The following MAOB variants were observed in gnomAD, a reference collection of about 807,000 sequenced individuals.
MAOB encodes the protein monoamine oxidase B, also known as amine oxidase [flavin-containing] B.
A neutral mutation model predicts 41.9 loss-of-function variants in MAOB; 15 were observed. That is an observed-to-expected ratio of 0.36 (90% CI 0.24 to 0.55). The LOEUF is 0.55. Ranked by LOEUF, MAOB falls within the 20% of genes least tolerant of loss-of-function variation. MAOB has a pLI of 0.86. For synonymous variants in MAOB, 167 were observed against 144.2 expected, an observed-to-expected ratio of 1.16 and a Z score of -1.13; for missense variants, 345 against 398.7, an observed-to-expected ratio of 0.87 and a Z score of 1.15.
At chrX:43,782,244 C>T (rs2034343139) in intron 8 of MAOB, among the ~76,000 whole-genome samples, 1 of 110,095 alleles carries the variant, frequency 9.1e-6, no homozygotes, top group Non-Finnish European at 1.9e-5. Context: ...GCTAGCCAGA[C>T]TAATAAAGAA....
chrX:43,858,407 T>C (rs1196094225), intron 1 of MAOB, among the ~76,000 whole-genome samples: 2 of 110,948 alleles, frequency 1.8e-5, no homozygotes, highest in Admixed American at 9.6e-5. Flanking sequence ...CTAGCCTTCT[T>C]TCCTTCTGCT....
intron 3 of MAOB, among the ~76,000 whole-genome samples, chrX:43,837,002 A>G (rs1465968141): frequency 6.2e-5 from 7 of 112,087 alleles, no homozygotes; most frequent in Admixed American, 4.7e-4. Context: ...CAGACAAGGG[A>G]CTTAATGTCA....
intron 1 of MAOB, among the ~76,000 whole-genome samples, chrX:43,861,856 C>CGTGT (rs112289658): frequency 0.014 from 1,455 of 103,153 alleles, 38 homozygotes; most frequent in African/African-American, 0.045. Flanking sequence ...CCAGCTGAAA[C>CGTGT]GTGTGTGTGT....
At chrX:43,866,762 G>C (rs1251602205) in intron 1 of MAOB, among the ~76,000 whole-genome samples, 1 of 112,495 alleles carries the variant, frequency 8.9e-6, no homozygotes, top group Admixed American at 9.4e-5. Flanking sequence ...ATGGACTGGA[G>C]AAGGGCTAGA....
At chrX:43,785,728 C>T (rs1055658759) in intron 8 of MAOB, among the ~76,000 whole-genome samples, 3 of 111,802 alleles carry the variant, frequency 2.7e-5, no homozygotes, top group Non-Finnish European at 3.8e-5. Context: ...TATTTCATTA[C>T]TGTTGTGTCC....
Position 43,795,707 on chromosome X carries a change from A to G in MAOB, c.768+32T>C, listed in dbSNP as rs779646508. 1.2e-5 allele frequency: 13 copies of G among 1,122,072 alleles called. No homozygotes were observed. In the African/African-American group the frequency reaches 2.4e-4, roughly 21 times the overall value. The allele number at this position is 1,122,072 out of a possible 1,213,427, so 92.5% of individuals were successfully genotyped here. A position where few individuals can be genotyped will look rare whatever the true frequency, so the allele number is the denominator to read the frequency against. The stretch of plus-strand genomic sequence containing the variant: ...TGTATGCCAGGAAACTGGGATGAAG[A>G]TCAAATATATATTTCACAATATCAC... On this transcript the variant is annotated intron_variant, in intron 7 of 14. Coordinates refer to ENST00000378069, the MANE Select transcript of MAOB (RefSeq NM_000898.5).
chrX:43,804,665 T>A (rs1032728739), intron 3 of MAOB, among the ~76,000 whole-genome samples: 1 of 111,621 alleles, frequency 9.0e-6, no homozygotes, highest in Non-Finnish European at 1.9e-5. Context: ...GTAGGGTAGG[T>A]CACGGACCCA....
At chrX:43,825,585 A>G (rs1042316339) in intron 3 of MAOB, among the ~76,000 whole-genome samples, 9 of 111,198 alleles carry the variant, frequency 8.1e-5, no homozygotes, top group African/African-American at 1.6e-4. Context: ...ATATTTTCCA[A>G]TGTGTGCAGA....
At chrX:43,804,880 A>G (rs1315675197) in intron 3 of MAOB, among the ~76,000 whole-genome samples, 1 of 111,664 alleles carries the variant, frequency 9.0e-6, no homozygotes, top group Non-Finnish European at 1.9e-5. Context: ...CATTAGAATA[A>G]TGTTTGTCCA....
At chrX:43,773,827 C>T (rs975322849) in intron 12 of MAOB, among the ~76,000 whole-genome samples, 7 of 111,933 alleles carry the variant, frequency 6.3e-5, no homozygotes, top group Non-Finnish European at 1.3e-4. Context: ...GTGAAGCCTC[C>T]CCAGCCATGT....
At chrX:43,784,640 G>A (rs1310689896) in intron 8 of MAOB, among the ~76,000 whole-genome samples, 1 of 112,128 alleles carries the variant, frequency 8.9e-6, no homozygotes, top group African/African-American at 3.2e-5. Flanking sequence ...CACAGGCAGA[G>A]TAGTCTTAGC....
In MAOB at chrX:43,795,872, C is replaced by T. The variant is rs780719254; in HGVS notation, c.635G>A (p.Gly212Asp). 3 of 1,207,256 alleles carry T rather than the reference C, an allele frequency of 2.5e-6. No individual in the cohort carries two copies. Among genetic ancestry groups the T allele is most frequent in the Non-Finnish European group, 3.4e-6 (3 of 893,976 alleles). ...TNGGQERKFV[G>D]GSGQVSERIM... ...CCGCTCACTCACTTGACCAGATCCGCCCACAAATTTCCTCTCCTGGAAAGA... is the reference window on the plus strand; with the variant it reads ...CCGCTCACTCACTTGACCAGATCCGTCCACAAATTTCCTCTCCTGGAAAGA... The change falls in exon 7 of 15, where the codon GGC (glycine) becomes GAC (aspartate). Residue 212 changes from glycine (G) to aspartate (D), a missense_variant. By Grantham distance (94) the Gly-to-Asp change is moderately conservative. Coordinates refer to ENST00000378069, the MANE Select transcript of MAOB (RefSeq NM_000898.5).
At chrX:43,859,993 G>T (rs2035321412) in intron 1 of MAOB, among the ~76,000 whole-genome samples, 2 of 112,001 alleles carry the variant, frequency 1.8e-5, no homozygotes, top group African/African-American at 6.5e-5. Context: ...TGCCAAATCT[G>T]GTGGGCACAC....
At position 43,882,362 on chromosome X, in the gene MAOB, A is replaced by T. The variant is rs1050611272; in HGVS notation, c.-63T>A. ...GCTCCGTTTTCTGGGCCTCGATCCC[A>T]GTCCTGCCTGCCAGCCAGCCCGCCC... On this transcript the variant is annotated 5_prime_UTR_variant, in exon 1 of 15. Transcript: ENST00000378069. The T allele has an allele frequency of 6.1e-6, 7 of 1,152,825 alleles. No individual in the cohort carries two copies. The African/African-American group carries it at 9.1e-5, about 15-fold the overall frequency.
chrX:43,772,841 TC>T (rs2147119220), intron 12 of MAOB, among the ~76,000 whole-genome samples: 1 of 111,114 alleles, frequency 9.0e-6, no homozygotes, highest in East Asian at 2.9e-4. Flanking sequence ...ATGGTACCTC[TC>T]CCCACCACAC....
At chrX:43,853,478 G>C (rs1382128354) in intron 1 of MAOB, among the ~76,000 whole-genome samples, 2 of 110,764 alleles carry the variant, frequency 1.8e-5, no homozygotes, top group Non-Finnish European at 3.8e-5. Context: ...AAGATGGCCA[G>C]ATGAGTAAAT....
chrX:43,791,567 C>T (rs2034462734), intron 8 of MAOB, among the ~76,000 whole-genome samples: 1 of 111,234 alleles, frequency 9.0e-6, no homozygotes, highest in South Asian at 3.8e-4. Flanking sequence ...ACCATCCTGG[C>T]TAACACGGTG....
intron 1 of MAOB, among the ~76,000 whole-genome samples, chrX:43,845,781 C>A (rs2035195693): frequency 8.9e-6 from 1 of 112,378 alleles, no homozygotes; most frequent in African/African-American, 3.2e-5. Context: ...AAAATATGAG[C>A]CCACATTAAA....
intron 3 of MAOB, among the ~76,000 whole-genome samples, chrX:43,817,704 T>A (rs1261182279): frequency 8.9e-6 from 1 of 112,253 alleles, no homozygotes; most frequent in Non-Finnish European, 1.9e-5. Flanking sequence ...CTTGCCTCCC[T>A]GCTGTTCTTT....
Sources: allele counts gnomAD v4.1 joint callset (sites outside exome capture counted in the v4.1 genomes callset), GRCh38; gene constraint gnomAD v4.1.1; transcripts MANE v1.5; gene names NCBI Gene and HGNC (gene_info 2026-07-23, HGNC 2026-07-21).